Variants in SCAF8 observed in about 807,000 individuals in gnomAD.
SCAF8 encodes SR-related and CTD-associated factor 8.
Under a neutral mutation model 140.5 loss-of-function variants are expected in SCAF8, and 23 were observed. The ratio of observed to expected loss-of-function variants is 0.16; its 90% CI spans 0.12 to 0.23. SCAF8 has a LOEUF of 0.23. Ranked by LOEUF, SCAF8 falls within the 10% of genes least tolerant of loss-of-function variation. The pLI is 1.00. For missense variants in SCAF8, 1,397 were observed against 1,555.7 expected (o/e 0.90, Z 1.72); for synonymous variants, 575 against 528.9 (o/e 1.09, Z -1.20).
rs762199346 is a variant in SCAF8, at chr6:154,808,675, T to C, written c.1114-11T>C. Reference sequence around the variant, plus strand: ...CCTTTCTGTTTGTTTGCTGTTCTTTTGACTTTCAAGGATATGGATATAGAT... The same window carrying C: ...CCTTTCTGTTTGTTTGCTGTTCTTTCGACTTTCAAGGATATGGATATAGAT... On this transcript the variant is annotated splice_polypyrimidine_tract_variant and intron_variant, in intron 10 of 19. Transcript: ENST00000367178. 1 of 1,546,670 alleles carries C rather than the reference T, an allele frequency of 6.5e-7. No individual in the cohort carries two copies. The highest frequency in any genetic ancestry group is 8.9e-7 in the Non-Finnish European group (1 of 1,118,756).
intron 1 of SCAF8, among the ~76,000 whole-genome samples, chr6:154,771,137 T>TA (rs924543459): frequency 4.6e-5 from 7 of 152,172 alleles, no homozygotes; most frequent in Non-Finnish European, 8.8e-5. Flanking sequence ...ACATATCTTT[T>TA]AAAAAATCAA....
At chr6:154,807,425 A>T (rs372381618) in intron 9 of SCAF8, among the ~76,000 whole-genome samples, 1 of 152,214 alleles carries the variant, frequency 6.6e-6, no homozygotes. Context: ...TATAAAACCT[A>T]TGAGAGATTT....
intron 11 of SCAF8, among the ~76,000 whole-genome samples, chr6:154,809,797 C>T (rs1288349109): frequency 3.3e-5 from 5 of 152,124 alleles, no homozygotes; most frequent in African/African-American, 9.7e-5. Context: ...TGAATAGTCA[C>T]CCATACTCAG....
At chr6:154,801,358 G>A (rs757657674) in intron 6 of SCAF8, among the ~76,000 whole-genome samples, 4 of 151,250 alleles carry the variant, frequency 2.6e-5, no homozygotes, top group Admixed American at 6.6e-5. Context: ...ATTTAACTCA[G>A]GCTTATAACC....
intron 1 of SCAF8, among the ~76,000 whole-genome samples, chr6:154,757,023 CAATA>C (rs1442463885): frequency 6.7e-6 from 1 of 149,252 alleles, no homozygotes; most frequent in Non-Finnish European, 1.5e-5. Context: ...GGCCCTGTCT[CAATA>C]AATAAATAAG....
At chr6:154,789,639 A>G (rs1262406479) in intron 4 of SCAF8, among the ~76,000 whole-genome samples, 1 of 141,770 alleles carries the variant, frequency 7.1e-6, no homozygotes. Context: ...TCTGCCTCCC[A>G]GGTTCACGCC....
At chr6:154,758,659 C>G (rs1779025076) in intron 1 of SCAF8, among the ~76,000 whole-genome samples, 1 of 152,144 alleles carries the variant, frequency 6.6e-6, no homozygotes, top group African/African-American at 2.4e-5. Context: ...TTTCCAAGCT[C>G]AGCCTTCAGA....
intron 9 of SCAF8, among the ~76,000 whole-genome samples, chr6:154,807,374 A>C (rs573438021): frequency 2.0e-5 from 3 of 152,252 alleles, no homozygotes; most frequent in Non-Finnish European, 4.4e-5. Flanking sequence ...AATGAAGAAA[A>C]GAGAGTGGTA....
At chr6:154,765,088 G>T (rs147639217) in intron 1 of SCAF8, among the ~76,000 whole-genome samples, 224 of 152,262 alleles carry the variant, frequency 1.5e-3, no homozygotes, top group African/African-American at 4.9e-3. Context: ...CATTATTTAA[G>T]GAAGTTTATT....
At chr6:154,793,547 A>G (rs535690748) in intron 5 of SCAF8, among the ~76,000 whole-genome samples, 2 of 151,876 alleles carry the variant, frequency 1.3e-5, no homozygotes, top group East Asian at 1.9e-4. Flanking sequence ...CTGCGCAGTG[A>G]CTAACACCTG....
chr6:154,825,869 G>A (rs566432396), intron 17 of SCAF8, among the ~76,000 whole-genome samples: 7 of 151,998 alleles, frequency 4.6e-5, no homozygotes, highest in African/African-American at 1.7e-4. Flanking sequence ...GATGAGATAC[G>A]CATTTAAGTT....
At chr6:154,779,833 A>T (rs1023043737) in intron 3 of SCAF8, among the ~76,000 whole-genome samples, 5 of 151,656 alleles carry the variant, frequency 3.3e-5, no homozygotes, top group Non-Finnish European at 7.4e-5. Flanking sequence ...AGCTAATTGT[A>T]GATTCACATG....
At chr6:154,741,834 AATGGTGTGAAAGAATGTAATCAACCTTG>A (rs1300545713) in intron 1 of SCAF8, 1 of 633,612 alleles carries the variant, frequency 1.6e-6, no homozygotes, top group African/African-American at 1.8e-5. Flanking sequence ...TCTAACTCAT[AATGGTGTGAAAGAATGTAATCAACCTTG>A]ACCTTGAACA....
rs561733428 is a variant in SCAF8 at position 154,807,799 on chromosome 6, A to G, written c.982-271A>G. On this transcript the variant is annotated intron_variant, in intron 9 of 19. Coordinates refer to ENST00000367178, the MANE Select transcript of SCAF8 (RefSeq NM_014892.5). ...TTTATTTATTAGTCCTCTGTAGTTT[A>G]TATTTTCACAATTGAAAATTTACTT... Among the ~76,000 whole-genome samples the G allele has an allele frequency of 1.1e-4, 17 of 152,324 alleles. No homozygotes were observed. In the South Asian group the frequency reaches 1.7e-3, roughly 15 times the overall value.
In SCAF8 at chr6:154,808,178, G is replaced by A; in HGVS notation, c.1090G>A (p.Asp364Asn). ...HFLEPEVNLD[D>N]SIDIQQQDMD... is the part of the protein sequence containing the mutation. ...TCTTGAACCTGAAGTCAATTTGGAT[G>A]ATTCCATAGATATTCAGCAACAGGT... is the stretch of plus-strand genomic sequence containing the variant. Residue 364 changes from aspartate to asparagine, a missense_variant, in exon 10 of 20, where the codon GAT becomes AAT. Physicochemically the swap from Asp to Asn is conservative, Grantham distance 23. Transcript: ENST00000367178. 6.2e-7 allele frequency: 1 copy of A among 1,613,758 alleles called. No homozygotes were observed. The highest frequency in any genetic ancestry group is 8.5e-7 in the Non-Finnish European group (1 of 1,179,760).
intron 1 of SCAF8, among the ~76,000 whole-genome samples, chr6:154,760,841 T>A (rs990627114): frequency 1.3e-5 from 2 of 152,216 alleles, no homozygotes; most frequent in African/African-American, 4.8e-5. Flanking sequence ...TGGAGTGCAG[T>A]GGCATGGTAA....
intron 1 of SCAF8, among the ~76,000 whole-genome samples, chr6:154,750,799 C>A (rs1778818535): frequency 6.6e-6 from 1 of 152,100 alleles, no homozygotes; most frequent in South Asian, 2.1e-4. Context: ...AGATATAGAA[C>A]CCATATTTAT....
intron 1 of SCAF8, among the ~76,000 whole-genome samples, chr6:154,735,171 A>G (rs1374786175): frequency 6.6e-6 from 1 of 152,006 alleles, no homozygotes; most frequent in Non-Finnish European, 1.5e-5. Flanking sequence ...GCTGGTAACT[A>G]AATTAGCATA....
At chr6:154,812,503 C>T (rs1778126504) in intron 12 of SCAF8, among the ~76,000 whole-genome samples, 1 of 151,968 alleles carries the variant, frequency 6.6e-6, no homozygotes, top group Non-Finnish European at 1.5e-5. Flanking sequence ...GCAGTAGCTC[C>T]AAGGTATGCC....
Sources: gnomAD v4.1 joint callset for allele counts (sites outside exome capture counted in the v4.1 genomes callset) on GRCh38, gnomAD v4.1.1 for gene constraint, MANE v1.5 for transcripts, NCBI Gene and HGNC (gene_info 2026-07-23, HGNC 2026-07-21) for gene names.